Variants in NBEA observed in about 807,000 individuals in gnomAD.
The protein encoded by NBEA is neurobeachin, also known as lysosomal-trafficking regulator 2.
A neutral mutation model predicts 343.4 loss-of-function variants in NBEA; 44 were observed. The observed-to-expected ratio is 0.13, with a 90% CI of 0.10 to 0.16. NBEA has a LOEUF of 0.16. NBEA is among the 10% of genes least tolerant of loss of function. The pLI is 1.00. For synonymous variants in NBEA, 1,175 were observed against 1,238.7 expected (o/e 0.95, Z 1.08); for missense variants, 2,555 against 3,631.3 (o/e 0.70, Z 7.62).
intron 10 of NBEA, among the ~76,000 whole-genome samples, chr13:35,083,804 C>T (rs975590680): frequency 6.6e-6 from 1 of 150,976 alleles, no homozygotes; most frequent in African/African-American, 2.4e-5. Context: ...ATTAAAAGAC[C>T]CATCAGTGTG....
intron 31 of NBEA, among the ~76,000 whole-genome samples, chr13:35,203,574 A>G (rs1486331530): frequency 6.6e-6 from 1 of 152,132 alleles, no homozygotes; most frequent in Non-Finnish European, 1.5e-5. Flanking sequence ...TTTATTCTAT[A>G]TATTGCTATA....
At chr13:35,015,804 G>A (rs1038807160) in intron 1 of NBEA, among the ~76,000 whole-genome samples, 1 of 151,856 alleles carries the variant, frequency 6.6e-6, no homozygotes, top group Admixed American at 6.6e-5. Context: ...ACTCTCTTCA[G>A]TGTGCTCTAT....
At chr13:35,580,819 ATAC>A (rs1434153175) in intron 45 of NBEA, among the ~76,000 whole-genome samples, 1 of 152,206 alleles carries the variant, frequency 6.6e-6, no homozygotes, top group African/African-American at 2.4e-5. Context: ...ACAGACTTTA[ATAC>A]TGTGCAACTG....
chr13:35,057,191 T>G (rs2063300890), intron 7 of NBEA, among the ~76,000 whole-genome samples: 1 of 152,146 alleles, frequency 6.6e-6, no homozygotes. Flanking sequence ...AACTTACCTC[T>G]TAAACACAAT....
At chr13:35,313,962 C>T (rs1162920675) in intron 36 of NBEA, among the ~76,000 whole-genome samples, 1 of 151,958 alleles carries the variant, frequency 6.6e-6, no homozygotes, top group Non-Finnish European at 1.5e-5. Context: ...AATGAAGAAC[C>T]TATTTTTCAA....
At chr13:35,636,049 G>A (rs945840885) in intron 49 of NBEA, among the ~76,000 whole-genome samples, 2 of 152,164 alleles carry the variant, frequency 1.3e-5, no homozygotes, top group Non-Finnish European at 2.9e-5. Context: ...TTTTACTCAA[G>A]GGAAGAAGGG....
chr13:34,981,458 C>T (rs1035234382), intron 1 of NBEA, among the ~76,000 whole-genome samples: 2 of 152,122 alleles, frequency 1.3e-5, no homozygotes, highest in African/African-American at 4.8e-5. Context: ...AGACTATTTC[C>T]AAAGTGATTA....
rs528090073 is a variant in NBEA at position 35,353,530 on chromosome 13, T to G, written c.6179+1207T>G. ...GATTATGAGTGTAAGATAGGTTTTT[T>G]AAAACTTTATTAATTTTGGATTTAA... is the stretch of plus-strand genomic sequence containing the variant. On this transcript the variant is annotated intron_variant, in intron 38 of 58. Transcript: ENST00000379939. Among the ~76,000 whole-genome samples, 790 of 152,276 alleles carry G rather than the reference T, an allele frequency of 5.2e-3. 1 individual carries two copies. The highest frequency in any genetic ancestry group is 8.5e-3 in the Non-Finnish European group (576 of 68,026).
At chr13:34,959,827 A>G (rs1257011411) in intron 1 of NBEA, among the ~76,000 whole-genome samples, 1 of 152,124 alleles carries the variant, frequency 6.6e-6, no homozygotes, top group Non-Finnish European at 1.5e-5. Flanking sequence ...TGCATCATTC[A>G]CTGTGGTGAT....
At chr13:35,218,421 A>G (rs908318963) in intron 33 of NBEA, among the ~76,000 whole-genome samples, 8 of 152,158 alleles carry the variant, frequency 5.3e-5, no homozygotes, top group East Asian at 1.9e-4. Flanking sequence ...ATGTATATGT[A>G]TATACATAAT....
At chr13:35,655,885 A>G (rs1301203140) in intron 55 of NBEA, 136 bp downstream of exon 55, 2 of 697,330 alleles carry the variant, frequency 2.9e-6, no homozygotes, top group African/African-American at 3.6e-5. Flanking sequence ...CAAAATCTGT[A>G]CTGGAACGTA....
At chr13:35,152,448 A>G (rs1299769573) in intron 18 of NBEA, among the ~76,000 whole-genome samples, 1 of 152,158 alleles carries the variant, frequency 6.6e-6, no homozygotes, top group Non-Finnish European at 1.5e-5. Context: ...ATGCAACAGC[A>G]GGGTTAATAG....
At chr13:35,295,515 A>G (rs1456891545) in intron 35 of NBEA, among the ~76,000 whole-genome samples, 2 of 152,134 alleles carry the variant, frequency 1.3e-5, no homozygotes, top group Non-Finnish European at 2.9e-5. Flanking sequence ...TTATTGCCAT[A>G]AAAGTTTGTA....
At position 35,334,572 on chromosome 13, in the gene NBEA, G is replaced by A. The variant is rs553681786; in HGVS notation, c.5904-14536G>A. Among the ~76,000 whole-genome samples, 17 of 152,170 alleles carry A rather than the reference G, an allele frequency of 1.1e-4. No homozygotes were observed. The South Asian group carries it at 2.3e-3, about 20-fold the overall frequency. On this transcript the variant is annotated intron_variant, in intron 36 of 58. Transcript: ENST00000379939. ...GGCGTGGGCCACCATGCCCAGCCTCGTTGTAGTTTTGGTTTGCATTTCTCT... is the reference window on the plus strand; with the variant it reads ...GGCGTGGGCCACCATGCCCAGCCTCATTGTAGTTTTGGTTTGCATTTCTCT...
intron 1 of NBEA, among the ~76,000 whole-genome samples, chr13:34,993,093 A>G (rs1359675598): frequency 2.0e-5 from 3 of 152,116 alleles, no homozygotes; most frequent in Non-Finnish European, 4.4e-5. Flanking sequence ...TTTGCTATCT[A>G]TACTGCAAAC....
At chr13:35,040,253 A>G (rs1446478145) in intron 1 of NBEA, among the ~76,000 whole-genome samples, 1 of 151,962 alleles carries the variant, frequency 6.6e-6, no homozygotes, top group South Asian at 2.1e-4. Flanking sequence ...GTATTTGTCT[A>G]TTACTGTACT....
intron 34 of NBEA, among the ~76,000 whole-genome samples, chr13:35,259,080 T>C (rs2032957411): frequency 6.6e-6 from 1 of 152,198 alleles, no homozygotes; most frequent in Non-Finnish European, 1.5e-5. Flanking sequence ...GCAGCATTTG[T>C]GGTTCCTTTC....
At chr13:35,560,081 A>G (rs958027453) in intron 44 of NBEA, among the ~76,000 whole-genome samples, 7 of 152,172 alleles carry the variant, frequency 4.6e-5, no homozygotes, top group Non-Finnish European at 7.3e-5. Context: ...AATCCTCACA[A>G]TAGCCCCATG....
At chr13:35,624,613 G>T (rs752311762) in intron 48 of NBEA, among the ~76,000 whole-genome samples, 1 of 151,794 alleles carries the variant, frequency 6.6e-6, no homozygotes, top group Non-Finnish European at 1.5e-5. Flanking sequence ...CTGAAAAAAA[G>T]AATAAATTCT....
Sources: allele counts gnomAD v4.1 joint callset (sites outside exome capture counted in the v4.1 genomes callset), GRCh38; gene constraint gnomAD v4.1.1; transcripts MANE v1.5; gene names NCBI Gene and HGNC (gene_info 2026-07-23, HGNC 2026-07-21).